PM20D2: variants seen among roughly 807,000 people sequenced by gnomAD.
PM20D2 encodes the protein xaa-Arg dipeptidase.
A neutral mutation model predicts 42.9 loss-of-function variants in PM20D2; 33 were observed. The observed-to-expected ratio is 0.77, with a 90% CI of 0.58 to 1.03. PM20D2 has a LOEUF of 1.03. Ranked by LOEUF, PM20D2 falls within the 50% of genes least tolerant of loss-of-function variation. PM20D2 has a pLI of 0.00. For synonymous variants in PM20D2, 250 were observed against 228.2 expected (o/e 1.10, Z -0.86); for missense variants, 548 against 557.0 (o/e 0.98, Z 0.16).
the PM20D2 span, among the ~76,000 whole-genome samples, chr6:89,130,828 T>TTTTTTTTTTTTTTTTTTTTTTTTTTA: frequency 7.9e-6 from 1 of 126,656 alleles, no homozygotes; most frequent in African/African-American, 3.3e-5. Context: ...TCTTTTTTTT[T>TTTTTTTTTTTTTTTTTTTTTTTTTTA]TTTTTTTTTT....
intron 2 of PM20D2, among the ~76,000 whole-genome samples, chr6:89,151,061 G>T (rs568904846): frequency 6.7e-6 from 1 of 149,388 alleles, no homozygotes; most frequent in East Asian, 2.1e-4. Flanking sequence ...TGAGCCAGGA[G>T]AATTGCATGA....
intron 3 of PM20D2, among the ~76,000 whole-genome samples, chr6:89,153,943 A>G (rs1770946379): frequency 6.6e-6 from 1 of 152,210 alleles, no homozygotes; most frequent in South Asian, 2.1e-4. Context: ...TATCACCATA[A>G]TATAAATACA....
At chr6:89,135,393 C>T in the PM20D2 span, among the ~76,000 whole-genome samples, 1 of 151,004 alleles carries the variant, frequency 6.6e-6, no homozygotes. Flanking sequence ...TTAGGATTAT[C>T]GTCAAATTTG....
At chr6:89,113,925 G>T in the PM20D2 span, among the ~76,000 whole-genome samples, 99,286 of 152,034 alleles carry the variant, frequency 0.65, 33,207 homozygotes, top group East Asian at 0.78. Context: ...TTACAGGCAT[G>T]AGCCACTGTG....
At chr6:89,146,670 A>C (rs925456512) in intron 1 of PM20D2, 61 bp downstream of exon 1, 103 of 1,280,752 alleles carry the variant, frequency 8.0e-5, no homozygotes, top group Non-Finnish European at 9.8e-5. Context: ...CGACCCGGGA[A>C]GGGCGGGACT....
At chr6:89,100,692 G>A in the PM20D2 span, among the ~76,000 whole-genome samples, 99,474 of 152,130 alleles carry the variant, frequency 0.65, 33,318 homozygotes, top group East Asian at 0.78. Flanking sequence ...TAAAAAGATC[G>A]TTCAGTGGAA....
chr6:89,152,865 A>G (rs34280352), intron 2 of PM20D2, among the ~76,000 whole-genome samples, 178 bp from the exon 3 acceptor site: 3,487 of 152,254 alleles, frequency 0.023, 50 homozygotes, highest in Non-Finnish European at 0.034. Context: ...ATGTTACCTA[A>G]TAATAAACTA....
rs1421932988 is a variant in PM20D2, at chr6:89,158,606, G to A, written c.1048+146G>A. On this transcript the variant is annotated intron_variant, in intron 5 of 6. Transcript: ENST00000275072. ...TCACAAACTTTATGGTTAGGGGAAA[G>A]AAACTAATGGACTCTTAAGTGAGTG... 3.7e-6 allele frequency: 3 copies of A among 819,012 alleles called. No homozygotes were observed. The East Asian group carries it at 8.3e-5, about 23-fold the overall frequency. The allele number at this position is 819,012 out of a possible 1,614,324, so 50.7% of individuals were successfully genotyped here.
In PM20D2 at chr6:89,146,222, C is replaced by T; in HGVS notation, c.78C>T (p.Arg26=). 6.3e-7 allele frequency: 1 copy of T among 1,577,040 alleles called. No individual in the cohort carries two copies. Among genetic ancestry groups the T allele is most frequent in the East Asian group, 2.3e-5 (1 of 43,336 alleles). ...CCGAGCTGGAGCTACTGAAGCTGCG[C>T]TCGGCGGAGTGCATCGACGAGGCGG... ...GRSELELLKL[R]SAECIDEAAE... Residue 26 remains arginine (R), a synonymous_variant, in exon 1 of 7, where the codon CGC becomes CGT. Coordinates refer to ENST00000275072, the MANE Select transcript of PM20D2 (RefSeq NM_001010853.3).
chr6:89,129,029 A>G, the PM20D2 span, among the ~76,000 whole-genome samples: 1 of 152,244 alleles, frequency 6.6e-6, no homozygotes, highest in African/African-American at 2.4e-5. Context: ...AGTTTCTTCA[A>G]CAAATTGCAA....
the PM20D2 span, among the ~76,000 whole-genome samples, chr6:89,115,087 C>T: frequency 0.012 from 1,856 of 151,938 alleles, 27 homozygotes; most frequent in Non-Finnish European, 0.015. Flanking sequence ...TGAGCCACCA[C>T]GCCCGGCCAC....
chr6:89,107,576 C>G, the PM20D2 span, among the ~76,000 whole-genome samples: 1 of 151,890 alleles, frequency 6.6e-6, no homozygotes, highest in East Asian at 1.9e-4. Flanking sequence ...CAAAAAAATA[C>G]AAAAATCAGC....
chr6:89,130,819 C>CCTTTTTTTTTTTTTTT, the PM20D2 span, among the ~76,000 whole-genome samples: 12 of 24,040 alleles, frequency 5.0e-4, no homozygotes, highest in African/African-American at 1.7e-3. Flanking sequence ...GCTTCTTCTT[C>CCTTTTTTTTTTTTTTT]TTTTTTTTTT....
the PM20D2 span, chr6:89,098,399 GC>G: frequency 3.0e-6 from 2 of 661,292 alleles, no homozygotes; most frequent in African/African-American, 1.9e-5. Context: ...TGTAGTGTGG[GC>G]CCTTTAAATG....
chr6:89,112,398 A>G, the PM20D2 span, among the ~76,000 whole-genome samples: 1 of 151,560 alleles, frequency 6.6e-6, no homozygotes, highest in Non-Finnish European at 1.5e-5. Context: ...AAGAAAAGTA[A>G]GTCCTACTGT....
At chr6:89,098,579 C>A in the PM20D2 span, 2 of 1,605,976 alleles carry the variant, frequency 1.2e-6, no homozygotes, top group South Asian at 2.2e-5. Context: ...TGTTGCTGTT[C>A]ACCAACTGTT....
At position 89,153,150 on chromosome 6, in the gene PM20D2, T is replaced by C. The variant is rs1770911731; in HGVS notation, c.722T>C (p.Phe241Ser). 2 of 1,608,806 alleles carry C rather than the reference T, an allele frequency of 1.2e-6. No homozygotes were observed. The highest frequency in any genetic ancestry group is 3.4e-5 in the Admixed American group (2 of 58,846). Residue 241 changes from phenylalanine to serine, a missense_variant, in exon 3 of 7, where the codon TTC (phenylalanine) becomes TCC (serine). Coordinates refer to ENST00000275072, the MANE Select transcript of PM20D2 (RefSeq NM_001010853.3). ...AVLAYNNLSVFRQQMKPTWRV... is the reference protein window; with the variant it reads ...AVLAYNNLSVSRQQMKPTWRV... ...CTGGCCTATAACAATCTGTCTGTGT[T>C]CAGACAGCAAATGAAACCAACCTGG... is the stretch of plus-strand genomic sequence containing the variant.
chr6:89,113,394 G>A, the PM20D2 span, among the ~76,000 whole-genome samples: 6 of 152,050 alleles, frequency 3.9e-5, no homozygotes, highest in African/African-American at 1.2e-4. Context: ...GGCTGGTCTC[G>A]AACTCCTGAC....
rs903205435 is a variant in PM20D2 at position 89,148,609 on chromosome 6, T to A, written c.466-656T>A. On this transcript the variant is annotated intron_variant, in intron 1 of 6. Transcript: ENST00000275072. ...TGTAATAGTTGGCTGTTTCTAACTG[T>A]GGCATTAAGACTTGTTTAATGTTCT... 1.3e-5 allele frequency: 12 copies of A among 941,224 alleles called. No individual in the cohort carries two copies. The African/African-American group carries it at 2.0e-4, about 15-fold the overall frequency. The allele number at this position is 941,224 out of a possible 1,614,324, so 58.3% of individuals were successfully genotyped here. A position where few individuals can be genotyped will look rare whatever the true frequency, so the allele number is the denominator to read the frequency against.
Sources: allele counts gnomAD v4.1 joint callset (sites outside exome capture counted in the v4.1 genomes callset), GRCh38; gene constraint gnomAD v4.1.1; transcripts MANE v1.5; gene names NCBI Gene and HGNC (gene_info 2026-07-23, HGNC 2026-07-21).